PRKAG2: variants seen among roughly 807,000 people sequenced by gnomAD.
PRKAG2 encodes 5'-AMP-activated protein kinase subunit gamma-2.
PRKAG2 carries 26 observed loss-of-function variants against 69.6 expected under a neutral mutation model. That is an observed-to-expected ratio of 0.37 (90% CI 0.27 to 0.52). The LOEUF is 0.52. Ranked by LOEUF, PRKAG2 falls within the 20% of genes least tolerant of loss-of-function variation. The pLI is 0.90. For synonymous variants in PRKAG2, 293 were observed against 285.0 expected, an observed-to-expected ratio of 1.03 and a Z score of -0.28; for missense variants, 557 against 740.0, an observed-to-expected ratio of 0.75 and a Z score of 2.87.
intron 4 of PRKAG2, among the ~76,000 whole-genome samples, chr7:151,673,860 T>G (rs1430167525): frequency 5.5e-5 from 6 of 108,488 alleles, no homozygotes; most frequent in Admixed American, 9.5e-5. Context: ...TTTTTTTTTT[T>G]GAGACAGTGT....
intron 3 of PRKAG2, among the ~76,000 whole-genome samples, chr7:151,772,533 T>G (rs865955874): frequency 1.2e-4 from 19 of 152,316 alleles, no homozygotes; most frequent in African/African-American, 4.6e-4. Flanking sequence ...CCTGCAAACT[T>G]TGAGAGAAGG....
chr7:151,629,165 G>C (rs1395141088), intron 5 of PRKAG2, among the ~76,000 whole-genome samples: 1 of 152,168 alleles, frequency 6.6e-6, no homozygotes, highest in Non-Finnish European at 1.5e-5. Context: ...AGGGCAAATT[G>C]AGTGGTTGTG....
At chr7:151,686,178 G>A (rs1834707091) in intron 3 of PRKAG2, among the ~76,000 whole-genome samples, 1 of 152,164 alleles carries the variant, frequency 6.6e-6, no homozygotes, top group Non-Finnish European at 1.5e-5. Context: ...TGTGCCCATA[G>A]GACCGGAAGA....
At chr7:151,664,256 G>A (rs1830714800) in intron 4 of PRKAG2, among the ~76,000 whole-genome samples, 2 of 152,188 alleles carry the variant, frequency 1.3e-5, no homozygotes, top group African/African-American at 4.8e-5. Context: ...TAGCCATTGA[G>A]CCTTTGGGGG....
chr7:151,865,058 C>G (rs1257174628), intron 1 of PRKAG2, among the ~76,000 whole-genome samples: 2 of 152,272 alleles, frequency 1.3e-5, no homozygotes, highest in East Asian at 1.9e-4. Flanking sequence ...GGTTAAGTGA[C>G]TGGTTCCGCT....
intron 3 of PRKAG2, among the ~76,000 whole-genome samples, chr7:151,700,439 C>A (rs940036990): frequency 6.6e-6 from 1 of 152,300 alleles, no homozygotes; most frequent in Admixed American, 6.5e-5. Flanking sequence ...CCGACAGACA[C>A]GTCAGGGTGA....
At chr7:151,557,982 G>A in intron 15 of PRKAG2, 4 of 984,644 alleles carry the variant, frequency 4.1e-6, no homozygotes, top group African/African-American at 1.7e-5. Context: ...TGGATTGGCA[G>A]GGAGAGCTAC....
chr7:151,784,531 G>T (rs2076903489), intron 2 of PRKAG2, among the ~76,000 whole-genome samples: 2 of 152,198 alleles, frequency 1.3e-5, no homozygotes, highest in South Asian at 2.1e-4. Context: ...CTTCAGAGAC[G>T]CAGTGACAGG....
chr7:151,840,243 G>C (rs948458534), intron 1 of PRKAG2, among the ~76,000 whole-genome samples: 1 of 152,192 alleles, frequency 6.6e-6, no homozygotes, highest in African/African-American at 2.4e-5. Context: ...CACAGGCCTT[G>C]AGGGAGGACA....
At chr7:151,731,315 C>T (rs1798882278) in intron 3 of PRKAG2, among the ~76,000 whole-genome samples, 1 of 152,236 alleles carries the variant, frequency 6.6e-6, no homozygotes, top group Non-Finnish European at 1.5e-5. Flanking sequence ...GACATGGCCT[C>T]CCTGCCTGGC....
chr7:151,641,443 T>C (rs1826683865), intron 4 of PRKAG2, among the ~76,000 whole-genome samples: 1 of 151,950 alleles, frequency 6.6e-6, no homozygotes. Flanking sequence ...AGACAAGGTT[T>C]CACCATGTTG....
chr7:151,744,985 A>G (rs2151721850), intron 3 of PRKAG2, among the ~76,000 whole-genome samples: 1 of 152,350 alleles, frequency 6.6e-6, no homozygotes, highest in African/African-American at 2.4e-5. Context: ...CCAGAAGTTC[A>G]GAGGTGCTCA....
chr7:151,814,844 T>C lies in PRKAG2; in HGVS notation c.115-28303A>G. ...ACTGCAGCAAACTGTCATTCCCACC[T>C]GTGTCAGGCGCTGCTGGGGAGGAAA... On this transcript the variant is annotated intron_variant, in intron 1 of 15. Coordinates refer to ENST00000287878, the MANE Select transcript of PRKAG2 (RefSeq NM_016203.4). The surrounding 1 kb of genome is among the most constrained non-coding windows in gnomAD (Gnocchi z 4.8). 8.1e-7 allele frequency: 1 copy of C among 1,231,786 alleles called. No individual in the cohort carries two copies. Among genetic ancestry groups the C allele is most frequent in the Non-Finnish European group, 1.0e-6 (1 of 987,974 alleles). 76.3% of individuals were successfully genotyped at this position (1,231,786 alleles called of 1,614,324 possible). A position where few individuals can be genotyped will look rare whatever the true frequency, so the allele number is the denominator to read the frequency against.
intron 4 of PRKAG2, among the ~76,000 whole-genome samples, chr7:151,658,151 C>T (rs1829743525): frequency 3.6e-5 from 3 of 83,094 alleles, no homozygotes; most frequent in Non-Finnish European, 7.4e-5. Flanking sequence ...AGCAAGAGTC[C>T]GTCTCATAAA....
intron 1 of PRKAG2, among the ~76,000 whole-genome samples, chr7:151,864,021 T>C (rs1016282964): frequency 6.6e-6 from 1 of 152,166 alleles, no homozygotes; most frequent in Non-Finnish European, 1.5e-5. Flanking sequence ...CTTTGAGCCT[T>C]TCCTGAGAAC....
intron 3 of PRKAG2, among the ~76,000 whole-genome samples, chr7:151,736,783 A>T (rs1205310463): frequency 1.3e-5 from 2 of 152,194 alleles, no homozygotes; most frequent in Non-Finnish European, 2.9e-5. Flanking sequence ...GTCTTCGGCA[A>T]ATGCGTAATT....
chr7:151,578,536 T>A (rs193232967), intron 6 of PRKAG2, among the ~76,000 whole-genome samples: 1 of 152,342 alleles, frequency 6.6e-6, no homozygotes, highest in East Asian at 1.9e-4. Context: ...TACACAAGAA[T>A]ATAGGGACTA....
intron 3 of PRKAG2, among the ~76,000 whole-genome samples, chr7:151,691,221 A>T (rs1030503476): frequency 1.2e-4 from 18 of 152,312 alleles, no homozygotes; most frequent in Admixed American, 3.9e-4. Flanking sequence ...TGGATCACTT[A>T]TAATACCTAA....
chr7:151,848,700 T>C (rs1320885481), intron 1 of PRKAG2, among the ~76,000 whole-genome samples: 1 of 151,868 alleles, frequency 6.6e-6, no homozygotes, highest in African/African-American at 2.4e-5. Context: ...AATTTTCATA[T>C]TCTTAGCAGA....
Sources: allele counts gnomAD v4.1 joint callset (sites outside exome capture counted in the v4.1 genomes callset), GRCh38; gene constraint gnomAD v4.1.1; non-coding constraint Gnocchi (gnomAD v3.1); transcripts MANE v1.5; gene names NCBI Gene and HGNC (gene_info 2026-07-23, HGNC 2026-07-21).